The following DET1 variants were observed in gnomAD, a reference collection of about 807,000 sequenced individuals.
DET1 encodes the protein DET1 partner of COP1 E3 ubiquitin ligase.
DET1 carries 22 observed loss-of-function variants against 43.7 expected under a neutral mutation model. That is an observed-to-expected ratio of 0.50 (90% confidence interval 0.36 to 0.72). DET1 has a LOEUF of 0.72. Among genes scored for constraint, DET1 ranks in the 30% least tolerant of loss-of-function variants. The pLI, the probability that DET1 is intolerant of heterozygous loss-of-function variation, is 0.00. For missense variants in DET1, 713 were observed against 713.3 expected (o/e 1.00, Z 0.00); for synonymous variants, 315 against 266.2 (o/e 1.18, Z -1.79).
intron 3 of DET1, among the ~76,000 whole-genome samples, chr15:88,521,300 A>ACCT (rs2056483841): frequency 6.6e-6 from 1 of 151,874 alleles, no homozygotes; most frequent in Non-Finnish European, 1.5e-5. Flanking sequence ...CTCAACCACC[A>ACCT]CCTCCTCAGT....
intron 3 of DET1, among the ~76,000 whole-genome samples, chr15:88,522,759 C>A (rs1338977947): frequency 1.4e-4 from 21 of 151,918 alleles, no homozygotes; most frequent in Admixed American, 1.4e-3. Flanking sequence ...ACCTCATGAT[C>A]CGCCTGCCTC....
chr15:88,525,289 A>T (rs1478792905), intron 3 of DET1, among the ~76,000 whole-genome samples: 1 of 152,230 alleles, frequency 6.6e-6, no homozygotes, highest in African/African-American at 2.4e-5. Flanking sequence ...CAGGAAAAAA[A>T]AATTTAAAAA....
chr15:88,513,586 T>C (rs1270111526), intron 4 of DET1, among the ~76,000 whole-genome samples: 1 of 151,304 alleles, frequency 6.6e-6, no homozygotes, highest in East Asian at 1.9e-4. Context: ...TCTAAAATAT[T>C]ATTTCAACCT....
At chr15:88,525,089 A>C (rs1434623939) in intron 3 of DET1, among the ~76,000 whole-genome samples, 2 of 152,248 alleles carry the variant, frequency 1.3e-5, no homozygotes, top group African/African-American at 2.4e-5. Context: ...GAATCAGAAG[A>C]AACAATGTAA....
At chr15:88,503,645 T>G (rs1374648096) in intron 8 of DET1, 6 of 152,250 alleles carry the variant, frequency 3.9e-5, no homozygotes, top group Non-Finnish European at 5.9e-5. Context: ...CACCTTTATT[T>G]ATGTATGTGT....
chr15:88,524,284 C>T lies in DET1; in HGVS notation c.1271+3315G>A, dbSNP rs973981098. Among the ~76,000 whole-genome samples the T allele has an allele frequency of 5.3e-5, 8 of 151,744 alleles. 1 individual carries two copies. Among genetic ancestry groups the T allele is most frequent in the Non-Finnish European group, 1.2e-4 (8 of 67,920 alleles). On this transcript the variant is annotated intron_variant, in intron 3 of 4. Coordinates refer to ENST00000268148, the MANE Select transcript of DET1 (RefSeq NM_001144074.3). The stretch of plus-strand genomic sequence containing the variant: ...GTGAGGAGCCCCTCCGCCTGGCAGC[C>T]GCCCCATCTGGGAAGTGAGGAGCGT...
Position 88,530,728 on chromosome 15 carries a change from C to T in DET1, c.978G>A (p.Leu326=), listed in dbSNP as rs746970323. ...GCATTTTCCACATTCGCAGCTGCCG[C>T]AGTTGGTCAAAATACTGGAAGAAGC... ...KRRFFQYFDQ[L]RQLRMWKMQL... Residue 326 remains leucine (L), a synonymous_variant, in exon 2 of 5, where the codon CTG becomes CTA. Transcript: ENST00000268148. 18 of 1,613,854 alleles carry T rather than the reference C, an allele frequency of 1.1e-5. No homozygotes were observed. In the Admixed American group the frequency reaches 1.3e-4, roughly 12 times the overall value.
intron 7 of DET1, chr15:88,505,493 T>A (rs1208911442): frequency 6.6e-6 from 1 of 152,234 alleles, no homozygotes; most frequent in Non-Finnish European, 1.5e-5. Flanking sequence ...CCTTTTATTA[T>A]AATACCAAAT....
intron 4 of DET1, among the ~76,000 whole-genome samples, chr15:88,515,426 C>A (rs2056314177): frequency 6.7e-6 from 1 of 150,144 alleles, no homozygotes; most frequent in Non-Finnish European, 1.5e-5. Flanking sequence ...GTAATCCCAG[C>A]TACTTGGGAA....
chr15:88,530,954 A>G lies in DET1; in HGVS notation c.752T>C (p.Ile251Thr). ...AAAGCGGCCAATGGTCCGCACATCA[A>G]TGAAAGTGCCTTCAGGAGTCACCTG... ...VFQVTPEGTF[I>T]DVRTIGRFCY... Residue 251 changes from isoleucine to threonine, a missense_variant, in exon 2 of 5, where the codon ATT (isoleucine) becomes ACT (threonine). Coordinates refer to ENST00000268148, the MANE Select transcript of DET1 (RefSeq NM_001144074.3). 6.2e-7 allele frequency: 1 copy of G among 1,614,020 alleles called. No individual in the cohort carries two copies. Among genetic ancestry groups the G allele is most frequent in the Non-Finnish European group, 8.5e-7 (1 of 1,179,890 alleles).
downstream of DET1, among the ~76,000 whole-genome samples, chr15:88,508,707 CAG>C (rs3065229): frequency 0.33 from 50,624 of 151,856 alleles, 9,444 homozygotes; most frequent in Middle Eastern, 0.45. Context: ...GGGGTGGAGA[CAG>C]AGACTTCTTT....
At chr15:88,520,259 C>A (rs1263563088) in intron 3 of DET1, among the ~76,000 whole-genome samples, 1 of 152,062 alleles carries the variant, frequency 6.6e-6, no homozygotes, top group Non-Finnish European at 1.5e-5. Context: ...GCTAATGCAC[C>A]ACTTTTCAGC....
rs12595254 is a variant in DET1 at position 88,504,114 on chromosome 15, G to C, written c.*2066-127C>G. 0.097 allele frequency: 14,698 copies of C among 152,238 alleles called. 1,317 individuals carry two copies. The highest frequency in any genetic ancestry group is 0.52 in the East Asian group (2,659 of 5,162). The allele number at this position is 152,238 out of a possible 1,614,324, so 9.4% of individuals were successfully genotyped here. ...TGAGGTTGCTGTCATCTATAGGCTT[G>C]AATGAAGCGGGAGGACTGGATTCCA... On this transcript the variant is annotated intron_variant and NMD_transcript_variant, in intron 7 of 8. Coordinates refer to the DET1 transcript ENST00000557842. The surrounding 1 kb of genome is among the most constrained non-coding windows in gnomAD (Gnocchi z 4.7).
At chr15:88,506,173 CACTT>C (rs1420899749) in intron 7 of DET1, among the ~76,000 whole-genome samples, 2 of 152,184 alleles carry the variant, frequency 1.3e-5, no homozygotes, top group Non-Finnish European at 2.9e-5. Flanking sequence ...AATTAGTACT[CACTT>C]AGTGCTCACA....
At chr15:88,505,281 G>A (rs2056128082) in intron 7 of DET1, 1 of 152,110 alleles carries the variant, frequency 6.6e-6, no homozygotes, top group Non-Finnish European at 1.5e-5. Flanking sequence ...GTTGCGCCTT[G>A]TTTGCTGTTT....
At chr15:88,505,745 C>G (rs1208960473) in intron 7 of DET1, 1 of 152,200 alleles carries the variant, frequency 6.6e-6, no homozygotes, top group Non-Finnish European at 1.5e-5. Context: ...AATGCAAATA[C>G]TTTCCTATAT....
In DET1 at chr15:88,531,109, G is replaced by A; in HGVS notation, c.597C>T (p.His199=). Residue 199 remains histidine, a synonymous_variant, in exon 2 of 5, where the codon CAC becomes CAT. Coordinates refer to ENST00000268148, the MANE Select transcript of DET1 (RefSeq NM_001144074.3). This position sits in a 1 kb window ranked among gnomAD's most constrained non-coding sequence, Gnocchi z 6.2. ...EDYSLHIIDL[H]TGRLCDTRTF... ...TGCGTGTATCACATAAGCGGCCGGT[G>A]TGAAGGTCAATGATATGGAGGGAAT... 1 of 1,614,000 alleles carries A rather than the reference G, an allele frequency of 6.2e-7. No homozygotes were observed. Among genetic ancestry groups the A allele is most frequent in the Non-Finnish European group, 8.5e-7 (1 of 1,179,900 alleles).
chr15:88,534,284 G>A (rs879355798), intron 1 of DET1, among the ~76,000 whole-genome samples: 19 of 152,082 alleles, frequency 1.2e-4, no homozygotes, highest in Non-Finnish European at 2.6e-4. Flanking sequence ...CAGATAAGAT[G>A]GAATAATCAA....
chr15:88,518,567 C>T (rs1350145102), intron 3 of DET1, among the ~76,000 whole-genome samples: 1 of 152,126 alleles, frequency 6.6e-6, no homozygotes, highest in Non-Finnish European at 1.5e-5. Context: ...TGTATAATGA[C>T]ATTTTGAATT....
Sources: gnomAD v4.1 joint callset for allele counts (sites outside exome capture counted in the v4.1 genomes callset) on GRCh38, gnomAD v4.1.1 for gene constraint, Gnocchi (gnomAD v3.1) non-coding constraint, MANE v1.5 for transcripts, NCBI Gene and HGNC (gene_info 2026-07-23, HGNC 2026-07-21) for gene names.